The following GLIS3 variants were observed in gnomAD, a reference collection of about 807,000 sequenced individuals.
GLIS3 encodes the protein zinc finger protein GLIS3.
GLIS3 carries 53 observed loss-of-function variants against 78.6 expected under a neutral mutation model. The observed-to-expected ratio is 0.67, with a 90% CI of 0.54 to 0.85. The LOEUF is 0.85. Ranked by LOEUF, GLIS3 falls within the 40% of genes least tolerant of loss-of-function variation. The pLI is 0.00. For missense variants in GLIS3, 1,703 were observed against 1,231.1 expected, an observed-to-expected ratio of 1.38 and a Z score of -5.74; for synonymous variants, 684 against 509.9, an observed-to-expected ratio of 1.34 and a Z score of -4.60.
intron 4 of GLIS3, among the ~76,000 whole-genome samples, chr9:4,077,089 T>C (rs906311769): frequency 7.1e-6 from 1 of 141,688 alleles, no homozygotes; most frequent in Non-Finnish European, 1.5e-5. Flanking sequence ...ATGTCCAATT[T>C]TCTTCTTATT....
intron 2 of GLIS3, among the ~76,000 whole-genome samples, chr9:4,238,101 A>C (rs1245083119): frequency 6.6e-6 from 1 of 152,188 alleles, no homozygotes; most frequent in Non-Finnish European, 1.5e-5. Flanking sequence ...AGTCAGGAGT[A>C]AGCCTTTAGG....
chr9:4,446,985 C>G, the GLIS3 span, among the ~76,000 whole-genome samples: 1 of 152,114 alleles, frequency 6.6e-6, no homozygotes. Context: ...TCTTACTCTG[C>G]TACCCTTACT....
At chr9:4,317,551 AAAGT>A (rs1361881641) in intron 2 of GLIS3, among the ~76,000 whole-genome samples, 1 of 152,282 alleles carries the variant, frequency 6.6e-6, no homozygotes, top group Non-Finnish European at 1.5e-5. Context: ...AAAAAATGCT[AAAGT>A]GAGTATAAAA....
At position 3,827,225 on chromosome 9, in the gene GLIS3, A is replaced by G. The variant is rs1817771446; in HGVS notation, c.*1047T>C. The G allele has an allele frequency of 6.6e-6, 1 of 152,046 alleles. No homozygotes were observed. Among genetic ancestry groups the G allele is most frequent in the Non-Finnish European group, 1.5e-5 (1 of 67,996 alleles). The allele number at this position is 152,046 out of a possible 1,614,324, so 9.4% of individuals were successfully genotyped here. The stretch of plus-strand genomic sequence containing the variant: ...AGTGGATATCCTGAAAAACGTTAGT[A>G]AAATCTGAGCACTGGAAGTCAAGTA... On this transcript the variant is annotated 3_prime_UTR_variant, in exon 11 of 11. Coordinates refer to ENST00000381971, the MANE Select transcript of GLIS3 (RefSeq NM_001042413.2).
chr9:4,218,392 C>A (rs1821038987), intron 2 of GLIS3, among the ~76,000 whole-genome samples: 1 of 152,174 alleles, frequency 6.6e-6, no homozygotes, highest in Non-Finnish European at 1.5e-5. Flanking sequence ...CATTCTCCTG[C>A]CTCAGCCTCC....
At chr9:3,885,652 C>T (rs1161567177) in intron 7 of GLIS3, among the ~76,000 whole-genome samples, 3 of 152,234 alleles carry the variant, frequency 2.0e-5, no homozygotes, top group Non-Finnish European at 2.9e-5. Context: ...TGAGCTTTCA[C>T]AGGGACACTG....
intron 8 of GLIS3, among the ~76,000 whole-genome samples, chr9:3,857,615 G>A (rs564852708): frequency 6.6e-6 from 1 of 152,180 alleles, no homozygotes; most frequent in South Asian, 2.1e-4. Context: ...TCAAGGCGAG[G>A]AGCTTAAACA....
chr9:4,019,751 G>C (rs1563954287), intron 4 of GLIS3, among the ~76,000 whole-genome samples: 1 of 152,100 alleles, frequency 6.6e-6, no homozygotes, highest in Non-Finnish European at 1.5e-5. Context: ...TTTACTTTTA[G>C]AGACAGTGTC....
chr9:4,155,451 C>T (rs774469017), intron 2 of GLIS3, among the ~76,000 whole-genome samples: 5 of 152,198 alleles, frequency 3.3e-5, no homozygotes, highest in Admixed American at 6.5e-5. Flanking sequence ...GGTGTGACTG[C>T]TTTCTAAACT....
intron 2 of GLIS3, among the ~76,000 whole-genome samples, chr9:4,173,665 C>G (rs1160685309): frequency 6.6e-6 from 1 of 151,202 alleles, no homozygotes; most frequent in Non-Finnish European, 1.5e-5. Context: ...GGCACAAACA[C>G]AGCTCACTGC....
the GLIS3 span, among the ~76,000 whole-genome samples, chr9:4,424,378 T>C: frequency 5.3e-5 from 8 of 152,220 alleles, no homozygotes; most frequent in South Asian, 1.7e-3. Context: ...TAAACCACTA[T>C]GAATCTCTGC....
intron 2 of GLIS3, among the ~76,000 whole-genome samples, chr9:4,260,219 T>G (rs1366067499): frequency 6.6e-6 from 1 of 152,006 alleles, no homozygotes; most frequent in Non-Finnish European, 1.5e-5. Flanking sequence ...GATCACAAGG[T>G]CAAGAGATTG....
the GLIS3 span, among the ~76,000 whole-genome samples, chr9:4,460,551 T>C: frequency 1.3e-5 from 2 of 150,230 alleles, no homozygotes; most frequent in African/African-American, 2.5e-5. Flanking sequence ...AAAAACACAA[T>C]TCCCCCCACC....
chr9:4,125,759 G>C lies in GLIS3; in HGVS notation c.571C>G (p.Leu191Val). The change falls in exon 3 of 11, where the codon CTG (leucine) becomes GTG (valine). Residue 191 changes from leucine to valine, a missense_variant. Transcript: ENST00000381971. Reference sequence around the variant, plus strand: ...CTGGTATCTGAAGGAGGTATATTCAGGTTGGCTGCATTCATTGCCCTCTGT... The same window carrying C: ...CTGGTATCTGAAGGAGGTATATTCACGTTGGCTGCATTCATTGCCCTCTGT... ...SLQRAMNAAN[L>V]NIPPSDTRSL... 1 of 1,613,860 alleles carries C rather than the reference G, an allele frequency of 6.2e-7. No homozygotes were observed. Among genetic ancestry groups the C allele is most frequent in the Non-Finnish European group, 8.5e-7 (1 of 1,179,938 alleles).
intron 2 of GLIS3, among the ~76,000 whole-genome samples, chr9:4,145,942 A>G (rs1834193220): frequency 6.6e-6 from 1 of 152,336 alleles, no homozygotes; most frequent in East Asian, 1.9e-4. Context: ...CCAAGAAACT[A>G]ACATGACAAA....
At chr9:4,303,135 C>CTT (rs1554654747), upstream of GLIS3, among the ~76,000 whole-genome samples, 2 of 151,916 alleles carry the variant, frequency 1.3e-5, no homozygotes, top group Non-Finnish European at 2.9e-5. Context: ...AAACCACTTA[C>CTT]AAACTTGCAA....
intron 2 of GLIS3, among the ~76,000 whole-genome samples, chr9:4,147,077 G>A (rs1834278156): frequency 6.6e-6 from 1 of 152,086 alleles, no homozygotes. Flanking sequence ...TAAGCCCACT[G>A]CAATTAATCT....
the GLIS3 span, among the ~76,000 whole-genome samples, chr9:4,379,115 T>A: frequency 3.4e-4 from 52 of 152,294 alleles, no homozygotes; most frequent in Admixed American, 8.5e-4. Context: ...CCACCACCAC[T>A]GGACTGTAGG....
chr9:3,943,994 T>C (rs1816113502), intron 4 of GLIS3, among the ~76,000 whole-genome samples: 1 of 152,220 alleles, frequency 6.6e-6, no homozygotes, highest in Non-Finnish European at 1.5e-5. Flanking sequence ...TCCTGGCTTG[T>C]TGCGCTGCTT....
Sources: gnomAD v4.1 joint callset for allele counts (sites outside exome capture counted in the v4.1 genomes callset) on GRCh38, gnomAD v4.1.1 for gene constraint, MANE v1.5 for transcripts, NCBI Gene and HGNC (gene_info 2026-07-23, HGNC 2026-07-21) for gene names.